Variants in PDPK1 observed in about 807,000 individuals in gnomAD.
PDPK1 encodes the protein 3-phosphoinositide-dependent protein kinase 1.
A neutral mutation model predicts 39.8 loss-of-function variants in PDPK1; 7 were observed. That is an observed-to-expected ratio of 0.18 (90% confidence interval 0.10 to 0.33). The LOEUF is 0.33. Among genes scored for constraint, PDPK1 ranks in the 10% least tolerant of loss-of-function variants. PDPK1 has a pLI of 1.00. For missense variants in PDPK1, 182 were observed against 384.7 expected (o/e 0.47, Z 4.41); for synonymous variants, 118 against 159.1 (o/e 0.74, Z 1.95).
intron 1 of PDPK1, among the ~76,000 whole-genome samples, chr16:2,544,359 A>T (rs779540501): frequency 9.2e-5 from 14 of 152,268 alleles, no homozygotes; most frequent in South Asian, 2.1e-4. Context: ...CCACACATTG[A>T]GCTAGCAGTG....
intron 12 of PDPK1, among the ~76,000 whole-genome samples, chr16:2,596,396 G>A (rs553220145): frequency 1.4e-4 from 21 of 152,236 alleles, no homozygotes; most frequent in African/African-American, 4.8e-4. Context: ...GGGTTTCACC[G>A]TGTTAGCCAG....
chr16:2,599,270 A>G lies in PDPK1; in HGVS notation c.*1503A>G, dbSNP rs1174570226. 3 of 233,006 alleles carry G rather than the reference A, an allele frequency of 1.3e-5. No individual in the cohort carries two copies. The highest frequency in any genetic ancestry group is 2.5e-5 in the Non-Finnish European group (3 of 117,992). 14.4% of individuals were successfully genotyped at this position (233,006 alleles called of 1,614,324 possible). On this transcript the variant is annotated 3_prime_UTR_variant, in exon 14 of 14. Transcript: ENST00000342085. ...TGCCCACAGACCTGCCTCTGACTCA[A>G]CTGTGTCCACCCTCCCTGGTCCCTA...
chr16:2,541,694 GAGGA>G (rs1322613595), intron 1 of PDPK1, among the ~76,000 whole-genome samples: 1 of 152,222 alleles, frequency 6.6e-6, no homozygotes, highest in Non-Finnish European at 1.5e-5. Flanking sequence ...AGTGTGCTGG[GAGGA>G]AGTGCTGCTG....
intron 1 of PDPK1, among the ~76,000 whole-genome samples, chr16:2,546,102 A>G (rs1444988777): frequency 2.6e-5 from 4 of 151,852 alleles, no homozygotes; most frequent in South Asian, 2.1e-4. Flanking sequence ...TTTTTTTTTC[A>G]AGATGGAGTC....
chr16:2,595,770 CTCTT>C lies in PDPK1; in HGVS notation c.1344-18_1344-15del. ...CTGTTTGTGATTGTCATGGGAGCAT[CTCTT>C]TCTTGTTTCTTTCCACAGGCACCAG... On this transcript the variant is annotated intron_variant, in intron 11 of 13. Transcript: ENST00000342085. The C allele has an allele frequency of 4.4e-6, 7 of 1,587,340 alleles. No homozygotes were observed. The highest frequency in any genetic ancestry group is 5.2e-6 in the Non-Finnish European group (6 of 1,155,430).
chr16:2,551,761 G>A (rs1210044804), intron 1 of PDPK1, among the ~76,000 whole-genome samples: 3 of 150,748 alleles, frequency 2.0e-5, no homozygotes, highest in Non-Finnish European at 3.0e-5. Flanking sequence ...CCGCCTCCTG[G>A]GTTCAAGCGA....
intron 1 of PDPK1, among the ~76,000 whole-genome samples, chr16:2,542,109 G>C (rs1431998843): frequency 6.6e-6 from 1 of 152,236 alleles, no homozygotes; most frequent in Admixed American, 6.5e-5. Flanking sequence ...TTAAGATTGA[G>C]TTTCTGGGCT....
rs1327366773 is a variant in PDPK1, at chr16:2,601,271, C to G, written c.*3504C>G. The G allele has an allele frequency of 1.7e-5, 4 of 234,382 alleles. No individual in the cohort carries two copies. The highest frequency in any genetic ancestry group is 3.4e-5 in the Non-Finnish European group (4 of 117,908). 14.5% of individuals were successfully genotyped at this position (234,382 alleles called of 1,614,324 possible). On this transcript the variant is annotated 3_prime_UTR_variant, in exon 14 of 14. Transcript: ENST00000342085. Reference sequence around the variant, plus strand: ...TTACAGATTCTGAACAAATCGGTTTCTGATAAGCCATGTGTTCCAAAGAAT... The same window carrying G: ...TTACAGATTCTGAACAAATCGGTTTGTGATAAGCCATGTGTTCCAAAGAAT...
At chr16:2,540,932 G>A (rs1402172231) in intron 1 of PDPK1, among the ~76,000 whole-genome samples, 1 of 152,176 alleles carries the variant, frequency 6.6e-6, no homozygotes, top group African/African-American at 2.4e-5. Flanking sequence ...GAAGGTGAGG[G>A]GAGAAGCAGG....
chr16:2,601,017 A>G lies in PDPK1; in HGVS notation c.*3250A>G, dbSNP rs943757918. The G allele has an allele frequency of 4.3e-6, 1 of 231,528 alleles. No homozygotes were observed. The highest frequency in any genetic ancestry group is 2.3e-5 in the African/African-American group (1 of 44,192). The allele number at this position is 231,528 out of a possible 1,614,324, so 14.3% of individuals were successfully genotyped here. A position where few individuals can be genotyped will look rare whatever the true frequency, so the allele number is the denominator to read the frequency against. On this transcript the variant is annotated 3_prime_UTR_variant, in exon 14 of 14. Coordinates refer to ENST00000342085, the MANE Select transcript of PDPK1 (RefSeq NM_002613.5). ...TCCATTTACTATAATTTATCTGACCATTTCCCTACTGTAAAATACTTAAGA... is the reference window on the plus strand; with the variant it reads ...TCCATTTACTATAATTTATCTGACCGTTTCCCTACTGTAAAATACTTAAGA...
In PDPK1 at chr16:2,603,047, G is replaced by A. The variant is rs970853219; in HGVS notation, c.*5280G>A. On this transcript the variant is annotated 3_prime_UTR_variant, in exon 14 of 14. Transcript: ENST00000342085. ...GCTTTATTATATAAATTTTCTATTG[G>A]GTCAGTGATTTAATCATATAATTTA... 1 of 228,098 alleles carries A rather than the reference G, an allele frequency of 4.4e-6. No individual in the cohort carries two copies. Among genetic ancestry groups the A allele is most frequent in the South Asian group, 1.8e-4 (1 of 5,482 alleles). 14.1% of individuals were successfully genotyped at this position (228,098 alleles called of 1,614,324 possible).
In PDPK1 at chr16:2,593,129, G is replaced by A. The variant is rs567207785; in HGVS notation, c.1344-2664G>A. 23 of 455,062 alleles carry A rather than the reference G, an allele frequency of 5.1e-5. No individual in the cohort carries two copies. Among genetic ancestry groups the A allele is most frequent in the African/African-American group, 3.8e-4 (19 of 50,132 alleles). The allele number at this position is 455,062 out of a possible 1,614,324, so 28.2% of individuals were successfully genotyped here. On this transcript the variant is annotated intron_variant, in intron 11 of 13. Transcript: ENST00000342085. The surrounding 1 kb of genome is among the most constrained non-coding windows in gnomAD (Gnocchi z 4.2). ...CCCAGGCTGCAGGTGCCGAGCGGGA[G>A]CACCACTCCTGCACGCCCGTGCCTG...
chr16:2,597,235 G>C lies in PDPK1; in HGVS notation c.1514G>C (p.Arg505Pro). 6.3e-7 allele frequency: 1 copy of C among 1,596,272 alleles called. No homozygotes were observed. The highest frequency in any genetic ancestry group is 8.6e-7 in the Non-Finnish European group (1 of 1,165,590). The change falls in exon 13 of 14, where the codon CGA becomes CCA. Residue 505 changes from arginine to proline, a missense_variant. Physicochemically the swap from Arg to Pro is moderately radical, Grantham distance 103 (BLOSUM62 -2). Around this residue, in one of 5 missense-constraint regions of PDPK1, gnomAD observed 67 missense variants for 87.8 expected, o/e 0.76. Transcript: ENST00000342085. The surrounding 1 kb of genome is among the most constrained non-coding windows in gnomAD (Gnocchi z 6.3). ...KGEIPWSQEL[R>P]PEAKNFKTFF... ...GAAATTCCTTGGTCACAAGAACTTC[G>C]ACCAGAGGCCAAGAATTTTAAAACT...
chr16:2,540,233 C>T (rs1368986605), intron 1 of PDPK1, among the ~76,000 whole-genome samples: 2 of 152,154 alleles, frequency 1.3e-5, no homozygotes, highest in Non-Finnish European at 2.9e-5. Flanking sequence ...CTTGTGTGTC[C>T]GCGTGGACAG....
intron 1 of PDPK1, among the ~76,000 whole-genome samples, chr16:2,553,176 A>G (rs1162306396): frequency 3.7e-5 from 5 of 136,840 alleles, no homozygotes; most frequent in Non-Finnish European, 7.7e-5. Context: ...TTTTTAAAAA[A>G]AAAAAAGAAA....
intron 11 of PDPK1, among the ~76,000 whole-genome samples, chr16:2,591,437 T>C (rs2066988308): frequency 1.3e-5 from 2 of 152,338 alleles, no homozygotes; most frequent in Admixed American, 6.5e-5. Flanking sequence ...AATGTATTGT[T>C]ACGAGTCAGA....
chr16:2,562,782 G>GT (rs2141972237), intron 4 of PDPK1: 1 of 149,650 alleles, frequency 6.7e-6, no homozygotes, highest in South Asian at 2.1e-4. Flanking sequence ...GCAGGAGTGT[G>GT]TGGGGGGGCA....
At chr16:2,553,064 T>C (rs1337772701) in intron 1 of PDPK1, among the ~76,000 whole-genome samples, 1 of 145,738 alleles carries the variant, frequency 6.9e-6, no homozygotes, top group Non-Finnish European at 1.5e-5. Context: ...CAAAGCCCAG[T>C]GATCAGGTCA....
intron 1 of PDPK1, 66 bp downstream of exon 1, chr16:2,538,202 GT>G: frequency 1.1e-6 from 1 of 909,520 alleles, no homozygotes; most frequent in Non-Finnish European, 1.3e-6. Flanking sequence ...GGCCGCCCGG[GT>G]CCGGCGAGGC....
Sources: allele counts gnomAD v4.1 joint callset (sites outside exome capture counted in the v4.1 genomes callset), GRCh38; gene constraint gnomAD v4.1.1; regional missense constraint gnomAD v4.1.1; non-coding constraint Gnocchi (gnomAD v3.1); transcripts MANE v1.5; gene names NCBI Gene and HGNC (gene_info 2026-07-23, HGNC 2026-07-21).